The following SPIDR variants were observed in gnomAD, a reference collection of about 807,000 sequenced individuals.
SPIDR encodes DNA repair-scaffolding protein.
Under a neutral mutation model 104.6 loss-of-function variants are expected in SPIDR, and 93 were observed. That is an observed-to-expected ratio of 0.89 (90% CI 0.75 to 1.06). The LOEUF is 1.06. Ranked by LOEUF, SPIDR falls within the 50% of genes least tolerant of loss-of-function variation. SPIDR has a pLI of 0.00. For missense variants in SPIDR, 1,154 were observed against 1,111.2 expected (o/e 1.04, Z -0.55); for synonymous variants, 431 against 416.9 (o/e 1.03, Z -0.41).
intron 6 of SPIDR, among the ~76,000 whole-genome samples, chr8:47,401,419 A>G (rs1326338248): frequency 6.6e-6 from 1 of 152,232 alleles, no homozygotes; most frequent in African/African-American, 2.4e-5. Flanking sequence ...AAGAAACTGC[A>G]TCAACTAACG....
intron 5 of SPIDR, among the ~76,000 whole-genome samples, chr8:47,312,709 G>GA (rs2044445406): frequency 6.6e-6 from 1 of 152,144 alleles, no homozygotes; most frequent in Non-Finnish European, 1.5e-5. Context: ...GTGCTGTGCA[G>GA]AAGCTCTTTA....
intron 5 of SPIDR, among the ~76,000 whole-genome samples, chr8:47,320,473 AAAG>A (rs1361579832): frequency 6.6e-6 from 1 of 152,170 alleles, no homozygotes; most frequent in Non-Finnish European, 1.5e-5. Flanking sequence ...CCAAACAAAA[AAAG>A]TCCAGGACTG....
In SPIDR at chr8:47,614,413, G is replaced by A. The variant is rs573180591; in HGVS notation, c.1544+15217G>A. Among the ~76,000 whole-genome samples the A allele has an allele frequency of 5.3e-5, 8 of 152,112 alleles. No individual in the cohort carries two copies. In the South Asian group the frequency reaches 1.2e-3, roughly 24 times the overall value. On this transcript the variant is annotated intron_variant, in intron 10 of 19. Transcript: ENST00000297423. ...ATTTTTTTTGTATGTTAGTGGAGAC[G>A]GGGTTTCACCCTGTTGGCCAGGATG...
intron 10 of SPIDR, among the ~76,000 whole-genome samples, chr8:47,658,021 C>A (rs2073182409): frequency 1.0e-5 from 1 of 97,906 alleles, no homozygotes; most frequent in Non-Finnish European, 1.9e-5. Flanking sequence ...CAGATTGAGA[C>A]CCTGTCTCAA....
chr8:47,514,759 CAAAT>C (rs1232722195), intron 8 of SPIDR, among the ~76,000 whole-genome samples: 2 of 152,066 alleles, frequency 1.3e-5, no homozygotes, highest in African/African-American at 4.8e-5. Flanking sequence ...AAAGGAAAAA[CAAAT>C]AAACAATATA....
chr8:47,562,552 T>G (rs1161900047), intron 8 of SPIDR, among the ~76,000 whole-genome samples: 2 of 152,276 alleles, frequency 1.3e-5, no homozygotes, highest in East Asian at 3.9e-4. Context: ...CACCTCAAAG[T>G]CAGCGGAGAA....
In SPIDR at chr8:47,545,449, T is replaced by A. The variant is rs1437754989; in HGVS notation, c.1098-50362T>A. On this transcript the variant is annotated intron_variant, in intron 8 of 19. Transcript: ENST00000297423. Reference sequence around the variant, plus strand: ...GTCCATGTATTCTAGTTTGCTAGTATATTGAAATATAATTGATTTTTGTGT... The same window carrying A: ...GTCCATGTATTCTAGTTTGCTAGTAAATTGAAATATAATTGATTTTTGTGT... 2.0e-5 allele frequency among the ~76,000 whole-genome samples: 3 copies of A among 152,198 alleles called. No homozygotes were observed. The East Asian group carries it at 5.8e-4, about 29-fold the overall frequency.
At chr8:47,669,773 G>A (rs1396527469) in intron 10 of SPIDR, among the ~76,000 whole-genome samples, 2 of 152,132 alleles carry the variant, frequency 1.3e-5, no homozygotes, top group Non-Finnish European at 2.9e-5. Flanking sequence ...AGGCCAAGGC[G>A]GGTGGATCAC....
intron 8 of SPIDR, among the ~76,000 whole-genome samples, chr8:47,473,336 C>G (rs1362828795): frequency 3.9e-5 from 6 of 152,118 alleles, no homozygotes; most frequent in African/African-American, 1.4e-4. Context: ...TCAACATAAT[C>G]TATAAGCTAA....
intron 5 of SPIDR, among the ~76,000 whole-genome samples, chr8:47,326,550 T>A (rs77437514): frequency 9.2e-4 from 140 of 152,350 alleles, no homozygotes; most frequent in African/African-American, 3.3e-3. Flanking sequence ...AATACCTGTA[T>A]CTCATTCTAA....
chr8:47,359,725 G>A (rs2055344503), intron 5 of SPIDR, among the ~76,000 whole-genome samples: 1 of 152,140 alleles, frequency 6.6e-6, no homozygotes, highest in African/African-American at 2.4e-5. Context: ...CCTTGTTTCT[G>A]TGTGTTATGA....
intron 6 of SPIDR, among the ~76,000 whole-genome samples, chr8:47,398,360 C>T (rs905546215): frequency 5.3e-5 from 8 of 151,974 alleles, no homozygotes; most frequent in African/African-American, 1.5e-4. Flanking sequence ...AATGGAGCCC[C>T]GCTTGTGTCG....
chr8:47,364,783 A>T (rs1334883144), intron 5 of SPIDR, among the ~76,000 whole-genome samples: 1 of 152,190 alleles, frequency 6.6e-6, no homozygotes, highest in African/African-American at 2.4e-5. Context: ...GCCTGTAATC[A>T]TTACCTTTTT....
intron 6 of SPIDR, among the ~76,000 whole-genome samples, chr8:47,399,294 A>C (rs1267542890): frequency 6.6e-6 from 1 of 152,140 alleles, no homozygotes; most frequent in African/African-American, 2.4e-5. Flanking sequence ...CAGAGTGTGC[A>C]CCCATGGCCA....
At chr8:47,299,656 A>G (rs2041648598) in intron 5 of SPIDR, among the ~76,000 whole-genome samples, 1 of 152,296 alleles carries the variant, frequency 6.6e-6, no homozygotes, top group South Asian at 2.1e-4. Flanking sequence ...AGTTTTTAGC[A>G]TGAAGGGTTG....
intron 10 of SPIDR, among the ~76,000 whole-genome samples, chr8:47,639,286 T>C (rs2068465958): frequency 6.6e-6 from 1 of 152,204 alleles, no homozygotes; most frequent in South Asian, 2.1e-4. Context: ...TTATAAAAAG[T>C]GTTTTGTTGC....
At chr8:47,614,362 C>T (rs2063991294) in intron 10 of SPIDR, among the ~76,000 whole-genome samples, 1 of 152,140 alleles carries the variant, frequency 6.6e-6, no homozygotes, top group South Asian at 2.1e-4. Context: ...GCTGGGACTA[C>T]AGACGTGCAC....
At chr8:47,727,067 G>T in intron 16 of SPIDR, 133 bp from the exon 17 acceptor site, 2 of 628,192 alleles carry the variant, frequency 3.2e-6, no homozygotes, top group Admixed American at 2.9e-5. Context: ...AAAATCTTAG[G>T]AACATGTATA....
At position 47,463,308 on chromosome 8, in the gene SPIDR, C is replaced by G. The variant is rs1362850592; in HGVS notation, c.1097+22766C>G. ...CCTGGGAGGTGGAGCTTGCAGTGAG[C>G]CGAGATCACACCACTACACTCCAGC... On this transcript the variant is annotated intron_variant, in intron 8 of 19. Coordinates refer to ENST00000297423, the MANE Select transcript of SPIDR (RefSeq NM_001080394.4). Among the ~76,000 whole-genome samples, 6 of 151,572 alleles carry G rather than the reference C, an allele frequency of 4.0e-5. No individual in the cohort carries two copies. The East Asian group carries it at 1.2e-3, about 29-fold the overall frequency.
Sources: gnomAD v4.1 joint callset for allele counts (sites outside exome capture counted in the v4.1 genomes callset) on GRCh38, gnomAD v4.1.1 for gene constraint, MANE v1.5 for transcripts, NCBI Gene and HGNC (gene_info 2026-07-23, HGNC 2026-07-21) for gene names.